PCDHAC1: variants seen among roughly 807,000 people sequenced by gnomAD.
PCDHAC1 encodes protocadherin alpha-C1.
A neutral mutation model predicts 60.0 loss-of-function variants in PCDHAC1; 42 were observed. The ratio of observed to expected loss-of-function variants is 0.70; its 90% CI spans 0.55 to 0.90. The LOEUF (loss-of-function observed/expected upper bound fraction) is 0.90, where lower values mean the gene tolerates loss of function less well. PCDHAC1 is among the 40% of genes least tolerant of loss of function. PCDHAC1 has a pLI of 0.00. For synonymous variants in PCDHAC1, 468 were observed against 499.3 expected, an observed-to-expected ratio of 0.94 and a Z score of 0.84; for missense variants, 1,160 against 1,222.3, an observed-to-expected ratio of 0.95 and a Z score of 0.76.
intron 1 of PCDHAC1, chr5:140,966,939 TG>T: frequency 1.2e-6 from 2 of 1,604,434 alleles, no homozygotes; most frequent in Non-Finnish European, 1.7e-6. Flanking sequence ...GGCGCGCTCG[TG>T]GGCAACGTGG....
Position 140,929,148 on chromosome 5 carries a change from G to A in PCDHAC1, c.2256G>A (p.Gln752=). Residue 752 remains glutamine, a synonymous_variant, in exon 1 of 4, where the codon CAG becomes CAA. Transcript: ENST00000253807. The part of the protein sequence containing the change: ...IDVTTVERLS[Q]TYLYRASLGL... ...TCACTACAGTTGAGAGACTTTCTCAGACTTATCTCTATCGGGCCTCTCTGG... is the reference window on the plus strand; with the variant it reads ...TCACTACAGTTGAGAGACTTTCTCAAACTTATCTCTATCGGGCCTCTCTGG... 6.2e-7 allele frequency: 1 copy of A among 1,614,190 alleles called. No homozygotes were observed. The highest frequency in any genetic ancestry group is 1.6e-4 in the Middle Eastern group (1 of 6,062).
At chr5:140,975,022 G>A (rs2096650178) in intron 1 of PCDHAC1, among the ~76,000 whole-genome samples, 2 of 152,188 alleles carry the variant, frequency 1.3e-5, no homozygotes, top group Admixed American at 1.3e-4. Context: ...GCTGGGCTGT[G>A]TTGTCCTTTG....
chr5:140,987,004 A>G (rs2097221558), intron 3 of PCDHAC1, among the ~76,000 whole-genome samples: 2 of 152,242 alleles, frequency 1.3e-5, no homozygotes, highest in Non-Finnish European at 2.9e-5. Flanking sequence ...ACTTGAGGTC[A>G]TGAGTTCGAG....
intron 1 of PCDHAC1, among the ~76,000 whole-genome samples, chr5:140,945,772 T>C (rs538344111): frequency 1.3e-5 from 2 of 152,110 alleles, no homozygotes; most frequent in Non-Finnish European, 2.9e-5. Flanking sequence ...GACAATTTGA[T>C]ATCCAGATGC....
At chr5:140,969,593 T>C (rs2153780223) in intron 1 of PCDHAC1, 1 of 829,524 alleles carries the variant, frequency 1.2e-6, no homozygotes, top group Non-Finnish European at 1.8e-6. Context: ...AGTCTTAATA[T>C]TTAATGCTAA....
At chr5:140,934,547 C>A (rs2089905916) in intron 1 of PCDHAC1, among the ~76,000 whole-genome samples, 1 of 152,124 alleles carries the variant, frequency 6.6e-6, no homozygotes, top group African/African-American at 2.4e-5. Flanking sequence ...CTAATTCTAT[C>A]ATTTCTTCTT....
chr5:140,943,923 C>A (rs1454812803), intron 1 of PCDHAC1, among the ~76,000 whole-genome samples: 1 of 152,162 alleles, frequency 6.6e-6, no homozygotes, highest in Non-Finnish European at 1.5e-5. Flanking sequence ...GCATGAGCAG[C>A]TTTAGAAGTG....
chr5:140,966,402 G>A (rs1554228257), intron 1 of PCDHAC1: 4 of 404,514 alleles, frequency 9.9e-6, no homozygotes, highest in African/African-American at 8.2e-5. Context: ...ACTTCGGCGC[G>A]GAATCAGAGC....
At chr5:140,989,665 T>G (rs2097353443) in intron 3 of PCDHAC1, among the ~76,000 whole-genome samples, 2 of 152,190 alleles carry the variant, frequency 1.3e-5, no homozygotes, top group South Asian at 4.1e-4. Flanking sequence ...TAAAAGAAAC[T>G]CTGCCCAGAT....
Position 140,928,149 on chromosome 5 carries a change from T to C in PCDHAC1, c.1257T>C (p.Asp419=). Reference sequence around the variant, plus strand: ...ACCAAGTCCTGATCACGGCCTCAGATAGTGGCTCACCCCCACTTAGCACCC... The same window carrying C: ...ACCAAGTCCTGATCACGGCCTCAGACAGTGGCTCACCCCCACTTAGCACCC... The part of the protein sequence containing the change: ...SEYQVLITAS[D]SGSPPLSTRR... The change falls in exon 1 of 4, where the codon GAT becomes GAC. Residue 419 remains aspartate, a synonymous_variant. Transcript: ENST00000253807. 2 of 1,614,194 alleles carry C rather than the reference T, an allele frequency of 1.2e-6. No homozygotes were observed. The highest frequency in any genetic ancestry group is 8.5e-7 in the Non-Finnish European group (1 of 1,180,046).
At chr5:140,967,681 G>A (rs367838143) in intron 1 of PCDHAC1, 12 of 1,614,086 alleles carry the variant, frequency 7.4e-6, no homozygotes, top group Non-Finnish European at 9.3e-6. Flanking sequence ...ACCGGGAGAG[G>A]CAGCTCTTCA....
At chr5:140,934,508 C>G (rs2089875994) in intron 1 of PCDHAC1, among the ~76,000 whole-genome samples, 1 of 152,096 alleles carries the variant, frequency 6.6e-6, no homozygotes, top group African/African-American at 2.4e-5. Flanking sequence ...CCCAAAGGGT[C>G]CATAGACCAC....
At chr5:140,968,253 C>A (rs782229675) in intron 1 of PCDHAC1, 3 of 1,613,908 alleles carry the variant, frequency 1.9e-6, no homozygotes, top group Non-Finnish European at 2.5e-6. Flanking sequence ...GCCACAGACC[C>A]AGATGAAAAG....
chr5:140,960,417 A>G (rs1340642372), intron 1 of PCDHAC1, among the ~76,000 whole-genome samples: 10 of 152,218 alleles, frequency 6.6e-5, no homozygotes, highest in African/African-American at 1.9e-4. Flanking sequence ...CAAAAAGTCA[A>G]CAATTACTTG....
chr5:140,942,615 A>G (rs1310858123), intron 1 of PCDHAC1, among the ~76,000 whole-genome samples: 1 of 101,274 alleles, frequency 9.9e-6, no homozygotes, highest in African/African-American at 4.7e-5. Context: ...ATATTTGCCA[A>G]TTGTAAAAAA....
chr5:140,997,324 T>C (rs1447294871), intron 3 of PCDHAC1, among the ~76,000 whole-genome samples: 1 of 152,202 alleles, frequency 6.6e-6, no homozygotes, highest in Non-Finnish European at 1.5e-5. Context: ...TAGGCAGTTT[T>C]TTCGTTGTAC....
rs782391525 is a variant in PCDHAC1 at position 140,927,939 on chromosome 5, A to G, written c.1047A>G (p.Val349=). 1 of 1,614,234 alleles carries G rather than the reference A, an allele frequency of 6.2e-7. No individual in the cohort carries two copies. Among genetic ancestry groups the G allele is most frequent in the Non-Finnish European group, 8.5e-7 (1 of 1,180,054 alleles). Residue 349 remains valine (V), a synonymous_variant, in exon 1 of 4, where the codon GTA becomes GTG. Transcript: ENST00000253807. ...ACTTCCTGACTCTTTCGAACCCAGT[A>G]CCTGAGGACGCTGCCCCTGGCACAG... The part of the protein sequence containing the change: ...ELDFLTLSNP[V]PEDAAPGTVI...
chr5:141,001,017 A>G (rs1414857051), intron 3 of PCDHAC1, among the ~76,000 whole-genome samples: 2 of 152,240 alleles, frequency 1.3e-5, no homozygotes, highest in Admixed American at 1.3e-4. Flanking sequence ...TTAGATATAC[A>G]CTTATAATAA....
chr5:140,954,543 A>G (rs1344952646), intron 1 of PCDHAC1, among the ~76,000 whole-genome samples: 1 of 151,924 alleles, frequency 6.6e-6, no homozygotes, highest in Non-Finnish European at 1.5e-5. Flanking sequence ...TTTTTTTCAT[A>G]TGTTTGTTGG....
Sources: gnomAD v4.1 joint callset for allele counts (sites outside exome capture counted in the v4.1 genomes callset) on GRCh38, gnomAD v4.1.1 for gene constraint, MANE v1.5 for transcripts, NCBI Gene and HGNC (gene_info 2026-07-23, HGNC 2026-07-21) for gene names.